The following EML5 variants were observed in gnomAD, a reference collection of about 807,000 sequenced individuals.
EML5 encodes echinoderm microtubule-associated protein-like 5.
Under a neutral mutation model 250.0 loss-of-function variants are expected in EML5, and 120 were observed. The observed-to-expected ratio is 0.48, with a 90% CI of 0.41 to 0.56. The LOEUF is 0.56. Among genes scored for constraint, EML5 ranks in the 20% least tolerant of loss-of-function variants. The probability of loss-of-function intolerance (pLI) is 0.00; values close to 1 mark genes in which losing one functional copy is unlikely to be tolerated. For missense variants in EML5, 2,006 were observed against 2,437.6 expected (o/e 0.82, Z 3.73); for synonymous variants, 771 against 806.5 (o/e 0.96, Z 0.75).
In EML5 at chr14:88,729,880, TTTG is replaced by T. The variant is rs1393302650; in HGVS notation, c.1050-3205_1050-3203del. 1.5e-3 allele frequency among the ~76,000 whole-genome samples: 234 copies of T among 151,836 alleles called. 1 individual carries two copies. Among genetic ancestry groups the T allele is most frequent in the African/African-American group, 5.4e-3 (225 of 41,382 alleles). The stretch of plus-strand genomic sequence containing the variant: ...TCGGTCTTGTTTTTTGTTTTTTTTT[TTTG>T]TTTTTTTAATGTATTGTCTATGGCT... On this transcript the variant is annotated intron_variant, in intron 7 of 43. Coordinates refer to ENST00000554922, the MANE Select transcript of EML5 (RefSeq NM_183387.3).
At position 88,661,850 on chromosome 14, in the gene EML5, C is replaced by T. The variant is rs778882591; in HGVS notation, c.3499-20G>A. On this transcript the variant is annotated intron_variant, in intron 24 of 43. Transcript: ENST00000554922. ...TTCTACCTAAAAATGAAAAACAATGCTGTAAGTTTGGATTATCCAAACCTA... is the reference window on the plus strand; with the variant it reads ...TTCTACCTAAAAATGAAAAACAATGTTGTAAGTTTGGATTATCCAAACCTA... 6.3e-7 allele frequency: 1 copy of T among 1,599,122 alleles called. No homozygotes were observed. The highest frequency in any genetic ancestry group is 8.5e-7 in the Non-Finnish European group (1 of 1,171,564).
intron 1 of EML5, among the ~76,000 whole-genome samples, chr14:88,780,919 TGATAA>T (rs1725553644): frequency 6.6e-6 from 1 of 152,200 alleles, no homozygotes; most frequent in South Asian, 2.1e-4. Flanking sequence ...GAAAGCCAAC[TGATAA>T]GATGTTAATC....
At chr14:88,638,486 C>T (rs2140562780) in intron 32 of EML5, among the ~76,000 whole-genome samples, 1 of 152,286 alleles carries the variant, frequency 6.6e-6, no homozygotes, top group South Asian at 2.1e-4. Context: ...CTTCAAACTC[C>T]TCTTTTCTGC....
chr14:88,663,905 G>A (rs1022758573), intron 23 of EML5, among the ~76,000 whole-genome samples: 14 of 151,972 alleles, frequency 9.2e-5, no homozygotes, highest in Admixed American at 5.9e-4. Context: ...CAATTTTTTT[G>A]CACAATATTT....
At chr14:88,765,041 C>G (rs1402674044) in intron 1 of EML5, among the ~76,000 whole-genome samples, 1 of 152,150 alleles carries the variant, frequency 6.6e-6, no homozygotes, top group African/African-American at 2.4e-5. Flanking sequence ...CTAGGAATTT[C>G]ACGTCTTTGC....
chr14:88,632,366 G>GT (rs1453730338), intron 33 of EML5, among the ~76,000 whole-genome samples: 9 of 152,148 alleles, frequency 5.9e-5, no homozygotes, highest in African/African-American at 2.2e-4. Flanking sequence ...TATAGTGAGA[G>GT]TGGTTTTCTC....
intron 28 of EML5, among the ~76,000 whole-genome samples, chr14:88,648,324 T>C (rs1450341834): frequency 6.6e-6 from 1 of 152,130 alleles, no homozygotes; most frequent in African/African-American, 2.4e-5. Context: ...CATTTAGTTT[T>C]CTTGTTTTGA....
chr14:88,649,889 AT>A, intron 28 of EML5, 22 bp downstream of exon 28: 1 of 1,484,810 alleles, frequency 6.7e-7, no homozygotes, highest in Non-Finnish European at 9.0e-7. Context: ...TGAATAAAAT[AT>A]TTTCTTTTAT....
rs759973428 is a variant in EML5, at chr14:88,688,470, C to T, written c.2543G>A (p.Gly848Glu). The change falls in exon 18 of 44, where the codon GGA becomes GAA. Residue 848 changes from glycine (G) to glutamate (E), a missense_variant. This residue lies in a region of EML5 where 1,375 missense variants were observed against 1,590.3 expected (regional missense o/e 0.86). Coordinates refer to ENST00000554922, the MANE Select transcript of EML5 (RefSeq NM_183387.3). Reference sequence around the variant, plus strand: ...GTAGCCTTTTCTTCCAATCAATCCTCCCCCTAGTTCACAAAAAATATTATG... The same window carrying T: ...GTAGCCTTTTCTTCCAATCAATCCTTCCCCTAGTTCACAAAAAATATTATG... ...KHMKFWRKAGGGLIGRKGYIG... is the reference protein window; with the variant it reads ...KHMKFWRKAGEGLIGRKGYIG... 8.7e-6 allele frequency: 14 copies of T among 1,613,116 alleles called. No individual in the cohort carries two copies. Among genetic ancestry groups the T allele is most frequent in the South Asian group, 5.5e-5 (5 of 90,814 alleles).
rs541186121 is a variant in EML5, at chr14:88,785,211, G to T, written c.197+7096C>A. ...GAAAGGGTCGTGGAGGACTCAGGGG[G>T]AAGTGGGGATGGTTAATGGGTACAA... On this transcript the variant is annotated intron_variant, in intron 1 of 43. Transcript: ENST00000554922. Among the ~76,000 whole-genome samples, 27 of 152,270 alleles carry T rather than the reference G, an allele frequency of 1.8e-4. No individual in the cohort carries two copies. The South Asian group carries it at 5.4e-3, about 30-fold the overall frequency.
chr14:88,776,718 C>CAA (rs35613883), intron 1 of EML5, among the ~76,000 whole-genome samples: 328 of 144,966 alleles, frequency 2.3e-3, no homozygotes, highest in Middle Eastern at 7.1e-3. Context: ...CTGTCTCTAC[C>CAA]AAAAAAAAAA....
At chr14:88,618,438 CATT>C (rs1167742885) in intron 40 of EML5, 107 bp from the exon 41 acceptor site, 6 of 1,143,558 alleles carry the variant, frequency 5.2e-6, no homozygotes, top group Admixed American at 4.3e-5. Flanking sequence ...ACATGTCTAA[CATT>C]ATTAAGTATG....
intron 7 of EML5, among the ~76,000 whole-genome samples, chr14:88,730,554 A>G (rs934913443): frequency 6.6e-6 from 1 of 152,228 alleles, no homozygotes; most frequent in Non-Finnish European, 1.5e-5. Context: ...TATTGGGAAC[A>G]CTACCAATAA....
intron 10 of EML5, among the ~76,000 whole-genome samples, chr14:88,707,759 A>G (rs567553439): frequency 1.3e-5 from 2 of 152,210 alleles, no homozygotes; most frequent in East Asian, 3.9e-4. Context: ...ATGTAGCTTA[A>G]TATAAGTCAC....
chr14:88,743,853 C>G (rs2093963560), intron 4 of EML5, among the ~76,000 whole-genome samples, 170 bp downstream of exon 4: 1 of 151,876 alleles, frequency 6.6e-6, no homozygotes, highest in Non-Finnish European at 1.5e-5. Flanking sequence ...TAGTTCAAAG[C>G]AAATAATATA....
intron 32 of EML5, among the ~76,000 whole-genome samples, chr14:88,634,770 G>T (rs1157466751): frequency 6.6e-6 from 1 of 152,040 alleles, no homozygotes; most frequent in Non-Finnish European, 1.5e-5. Flanking sequence ...ATACTGATAT[G>T]ATTTAAAATT....
In EML5 at chr14:88,785,779, C is replaced by T. The variant is rs557404758; in HGVS notation, c.197+6528G>A. Among the ~76,000 whole-genome samples the T allele has an allele frequency of 1.3e-5, 2 of 152,334 alleles. 1 individual carries two copies. Among genetic ancestry groups the T allele is most frequent in the East Asian group, 3.9e-4 (2 of 5,186 alleles). Reference sequence around the variant, plus strand: ...CCAATACTTCCTGACTGGATTACTGCAACAGTCTCCTAAGTGGTCTCCCTG... The same window carrying T: ...CCAATACTTCCTGACTGGATTACTGTAACAGTCTCCTAAGTGGTCTCCCTG... On this transcript the variant is annotated intron_variant, in intron 1 of 43. Coordinates refer to ENST00000554922, the MANE Select transcript of EML5 (RefSeq NM_183387.3).
At chr14:88,791,150 A>G (rs926073846) in intron 1 of EML5, among the ~76,000 whole-genome samples, 1 of 152,142 alleles carries the variant, frequency 6.6e-6, no homozygotes, top group Non-Finnish European at 1.5e-5. Context: ...TCCCTCTTAC[A>G]TATTATAGAT....
intron 27 of EML5, among the ~76,000 whole-genome samples, chr14:88,652,147 T>C (rs976808854): frequency 6.6e-6 from 1 of 152,210 alleles, no homozygotes; most frequent in Admixed American, 6.6e-5. Flanking sequence ...TATGGTATAC[T>C]GTGCTTTCTT....
Sources: allele counts gnomAD v4.1 joint callset (sites outside exome capture counted in the v4.1 genomes callset), GRCh38; gene constraint gnomAD v4.1.1; regional missense constraint gnomAD v4.1.1; transcripts MANE v1.5; gene names NCBI Gene and HGNC (gene_info 2026-07-23, HGNC 2026-07-21).